Variants in NOD2 observed in about 807,000 individuals in gnomAD.
The protein encoded by NOD2 is nucleotide binding oligomerization domain containing 2, also known as nucleotide-binding oligomerization domain-containing protein 2.
Under a neutral mutation model 90.9 loss-of-function variants are expected in NOD2, and 86 were observed. The ratio of observed to expected loss-of-function variants is 0.95; its 90% CI spans 0.79 to 1.13. The LOEUF is 1.13. Among genes scored for constraint, NOD2 ranks in the 50% most tolerant of loss-of-function variants. The pLI is 0.00. For synonymous variants in NOD2, 581 were observed against 554.6 expected, an observed-to-expected ratio of 1.05 and a Z score of -0.67; for missense variants, 1,238 against 1,283.8, an observed-to-expected ratio of 0.96 and a Z score of 0.55.
In NOD2 at chr16:50,702,050, A is replaced by T. The variant is rs115658760; in HGVS notation, c.459+2096A>T. ...AGTCTCGAACTTCTGGGCTGAAGTG[A>T]TCCTCCCGCCTCAGCCTTCCAAGTA... is the stretch of plus-strand genomic sequence containing the variant. On this transcript the variant is annotated intron_variant, in intron 2 of 11. Coordinates refer to ENST00000647318, the MANE Select transcript of NOD2 (RefSeq NM_001370466.1). 7.5e-3 allele frequency among the ~76,000 whole-genome samples: 1,135 copies of T among 152,122 alleles called. 10 individuals are homozygous for T. Among genetic ancestry groups the T allele is most frequent in the African/African-American group, 0.026 (1,061 of 41,484 alleles).
chr16:50,727,964 G>T, intron 10 of NOD2: 1 of 267,382 alleles, frequency 3.7e-6, no homozygotes, highest in Non-Finnish European at 7.5e-6. Context: ...CACTGAGCTA[G>T]TCATTGCCAG....
intron 6 of NOD2, among the ~76,000 whole-genome samples, chr16:50,717,672 A>G (rs780275806): frequency 6.6e-6 from 1 of 152,226 alleles, no homozygotes. Context: ...ATGGCGGGCC[A>G]CATAGCTCAG....
In NOD2 at chr16:50,697,315, G is replaced by C. The variant is rs947655808; in HGVS notation, c.-8-2173G>C. The C allele has an allele frequency of 5.8e-6, 9 of 1,555,952 alleles. No homozygotes were observed. The highest frequency in any genetic ancestry group is 2.4e-5 in the East Asian group (1 of 41,390). On this transcript the variant is annotated intron_variant, in intron 1 of 11. Coordinates refer to ENST00000647318, the MANE Select transcript of NOD2 (RefSeq NM_001370466.1). ...CAAGTGTCCTCCTCGGACATTCTCC[G>C]GGTAAGAGGAGCAGGCATTGTCCCG...
At chr16:50,720,072 G>T in intron 7 of NOD2, 64 bp downstream of exon 7, 1 of 1,477,496 alleles carries the variant, frequency 6.8e-7, no homozygotes, top group East Asian at 2.3e-5. Flanking sequence ...GGATTTAGGG[G>T]CAGGTGAAAC....
chr16:50,697,460 GT>G (rs1567378796), intron 1 of NOD2: 10 of 823,584 alleles, frequency 1.2e-5, no homozygotes, highest in African/African-American at 5.1e-5. Flanking sequence ...GGGTCGGCGG[GT>G]TTTTTTCCCC....
rs1469068903 is a variant in NOD2 at position 50,720,106 on chromosome 16, G to A, written c.2633+98G>A. 9 of 1,098,182 alleles carry A rather than the reference G, an allele frequency of 8.2e-6. No homozygotes were observed. The African/African-American group carries it at 9.3e-5, about 11-fold the overall frequency. 68.0% of individuals were successfully genotyped at this position (1,098,182 alleles called of 1,614,324 possible). The stretch of plus-strand genomic sequence containing the variant: ...ACTCTTCAGCCAGGAGGCCCCAGAG[G>A]CAGCCCAGCTCCAGTGGGGAGGACA... On this transcript the variant is annotated intron_variant, in intron 7 of 11. Transcript: ENST00000647318.
chr16:50,721,443 A>AT (rs540393300), intron 7 of NOD2, among the ~76,000 whole-genome samples: 56 of 150,514 alleles, frequency 3.7e-4, no homozygotes, highest in African/African-American at 1.1e-3. Flanking sequence ...TATTATAGGA[A>AT]TTTTTTTAGG....
At chr16:50,714,417 A>G (rs1964685191) in intron 4 of NOD2, among the ~76,000 whole-genome samples, 1 of 152,106 alleles carries the variant, frequency 6.6e-6, no homozygotes, top group South Asian at 2.1e-4. Context: ...TTTTTCACAG[A>G]CACCCCTGGT....
chr16:50,701,333 T>C (rs2150785530), intron 2 of NOD2, among the ~76,000 whole-genome samples: 1 of 152,354 alleles, frequency 6.6e-6, no homozygotes, highest in South Asian at 2.1e-4. Flanking sequence ...TAAAATGGGC[T>C]GGGTTGGGGA....
chr16:50,717,304 G>C (rs1166129097), intron 6 of NOD2, among the ~76,000 whole-genome samples: 1 of 152,162 alleles, frequency 6.6e-6, no homozygotes, highest in Admixed American at 6.5e-5. Flanking sequence ...CGTCCTGGTG[G>C]GGGAGGCATA....
At chr16:50,699,441 A>G (rs1375746438) in intron 1 of NOD2, 47 bp from the exon 2 acceptor site, 2 of 1,564,722 alleles carry the variant, frequency 1.3e-6, no homozygotes, top group African/African-American at 1.4e-5. Flanking sequence ...ACCACCCTGC[A>G]TCTGGCTTCT....
Position 50,710,113 on chromosome 16 carries a change from C to T in NOD2, c.566-445C>T, listed in dbSNP as rs574849225. ...AGGCTGAGTGGTGAAGGGATTTATC[C>T]AAAGCCACCCGGCCACTATGGCAGG... On this transcript the variant is annotated intron_variant, in intron 3 of 11. Coordinates refer to ENST00000647318, the MANE Select transcript of NOD2 (RefSeq NM_001370466.1). 217 of 433,854 alleles carry T rather than the reference C, an allele frequency of 5.0e-4. 1 individual carries two copies. Among genetic ancestry groups the T allele is most frequent in the South Asian group, 3.4e-3 (211 of 61,950 alleles). 26.9% of individuals were successfully genotyped at this position (433,854 alleles called of 1,614,324 possible). A position where few individuals can be genotyped will look rare whatever the true frequency, so the allele number is the denominator to read the frequency against.
intron 10 of NOD2, chr16:50,727,907 G>A: frequency 3.5e-6 from 1 of 283,946 alleles, no homozygotes; most frequent in South Asian, 3.6e-5. Context: ...TTTTTTTGGT[G>A]CGAATTTGCC....
Position 50,707,969 on chromosome 16 carries a change from A to G in NOD2, c.565+9A>G. 6.3e-7 allele frequency: 1 copy of G among 1,578,670 alleles called. No homozygotes were observed. Among genetic ancestry groups the G allele is most frequent in the South Asian group, 1.1e-5 (1 of 90,360 alleles). ...GGCCCTGCCTTTGGAAGGTAGGTGT[A>G]TGTTCTCAGTTAATCAGAAAGGGAA... is the stretch of plus-strand genomic sequence containing the variant. On this transcript the variant is annotated intron_variant, in intron 3 of 11. Coordinates refer to ENST00000647318, the MANE Select transcript of NOD2 (RefSeq NM_001370466.1).
chr16:50,705,359 T>C (rs534463133), intron 2 of NOD2, among the ~76,000 whole-genome samples: 28 of 152,312 alleles, frequency 1.8e-4, no homozygotes, highest in African/African-American at 6.0e-4. Flanking sequence ...CCTTCCCCCC[T>C]TTTTGGCTTC....
intron 4 of NOD2, chr16:50,712,590 T>A (rs762366455): frequency 1.6e-6 from 1 of 624,830 alleles, no homozygotes; most frequent in Non-Finnish European, 2.8e-6. Flanking sequence ...GGTCTGGTGC[T>A]ATGCTTTCCG....
chr16:50,726,208 C>A (rs117317173), intron 10 of NOD2, among the ~76,000 whole-genome samples: 2 of 150,506 alleles, frequency 1.3e-5, no homozygotes, highest in South Asian at 2.1e-4. Flanking sequence ...CACCTAGTGA[C>A]CATCATGGGT....
chr16:50,699,163 A>G (rs138929689), intron 1 of NOD2, among the ~76,000 whole-genome samples: 105 of 152,236 alleles, frequency 6.9e-4, no homozygotes, highest in African/African-American at 2.4e-3. Context: ...CCTGATCTCA[A>G]GTGACCTTGG....
chr16:50,718,991 G>C lies in NOD2; in HGVS notation c.2550-934G>C, dbSNP rs371730003. Among the ~76,000 whole-genome samples the C allele has an allele frequency of 2.9e-4, 44 of 152,294 alleles. 1 individual carries two copies. The East Asian group carries it at 7.9e-3, about 27-fold the overall frequency. On this transcript the variant is annotated intron_variant, in intron 6 of 11. Coordinates refer to ENST00000647318, the MANE Select transcript of NOD2 (RefSeq NM_001370466.1). Reference sequence around the variant, plus strand: ...GAGAGAGGGAAGGAAGGAAGGTTGAGACTGGGCACCTTGGACTTCAGTGCA... The same window carrying C: ...GAGAGAGGGAAGGAAGGAAGGTTGACACTGGGCACCTTGGACTTCAGTGCA...
Sources: gnomAD v4.1 joint callset for allele counts (sites outside exome capture counted in the v4.1 genomes callset) on GRCh38, gnomAD v4.1.1 for gene constraint, MANE v1.5 for transcripts, NCBI Gene and HGNC (gene_info 2026-07-23, HGNC 2026-07-21) for gene names.